Variants in CDC42EP3 observed in about 807,000 individuals in gnomAD.
The protein encoded by CDC42EP3 is CDC42 effector protein 3.
CDC42EP3 carries 4 observed loss-of-function variants against 15.5 expected under a neutral mutation model. The observed-to-expected ratio is 0.26, with a 90% CI of 0.13 to 0.59. CDC42EP3 has a LOEUF of 0.59. CDC42EP3 is among the 20% of genes least tolerant of loss of function. CDC42EP3 has a pLI of 0.89. For synonymous variants in CDC42EP3, 145 were observed against 130.3 expected (o/e 1.11, Z -0.77); for missense variants, 309 against 311.2 (o/e 0.99, Z 0.05).
intron 1 of CDC42EP3, among the ~76,000 whole-genome samples, chr2:37,656,999 C>CCCCT (rs1553317245): frequency 4.0e-5 from 4 of 100,624 alleles, no homozygotes; most frequent in African/African-American, 1.9e-4. Flanking sequence ...CACCCCCCGC[C>CCCCT]CCCCGCCATC....
intron 1 of CDC42EP3, among the ~76,000 whole-genome samples, chr2:37,666,091 C>T (rs1666238802): frequency 6.6e-6 from 1 of 152,186 alleles, no homozygotes; most frequent in Non-Finnish European, 1.5e-5. Flanking sequence ...CTGGTACATC[C>T]TCATCGCTCT....
chr2:37,659,948 A>G (rs1558341641), intron 1 of CDC42EP3, among the ~76,000 whole-genome samples: 1 of 152,188 alleles, frequency 6.6e-6, no homozygotes, highest in Non-Finnish European at 1.5e-5. Context: ...TGAGCGGGGG[A>G]AGAGCTGGAC....
chr2:37,671,935 A>G (rs12999211), upstream of CDC42EP3: 15,678 of 151,984 alleles, frequency 0.1, 1,274 homozygotes, highest in African/African-American at 0.23. Context: ...CGACTCCCTA[A>G]GCACAAAGAA....
chr2:37,672,805 C>A (rs1248704331), upstream of CDC42EP3, among the ~76,000 whole-genome samples: 7 of 152,300 alleles, frequency 4.6e-5, no homozygotes, highest in East Asian at 1.4e-3. Flanking sequence ...AATCCTGGCA[C>A]AACGCGGAGA....
At chr2:37,649,023 A>G (rs1039647226) in intron 1 of CDC42EP3, among the ~76,000 whole-genome samples, 1 of 151,454 alleles carries the variant, frequency 6.6e-6, no homozygotes, top group Non-Finnish European at 1.5e-5. Flanking sequence ...GGGTCAGCTG[A>G]TGGAGGCAGG....
At chr2:37,657,966 C>T (rs1472301922) in intron 1 of CDC42EP3, among the ~76,000 whole-genome samples, 2 of 152,176 alleles carry the variant, frequency 1.3e-5, no homozygotes, top group Non-Finnish European at 2.9e-5. Flanking sequence ...TCTATCAGGT[C>T]AGAGTTGAGT....
At position 37,645,081 on chromosome 2, in the gene CDC42EP3, A is replaced by C. The variant is rs905615599; in HGVS notation, c.*742T>G. 1 of 152,388 alleles carries C rather than the reference A, an allele frequency of 6.6e-6. No individual in the cohort carries two copies. The highest frequency in any genetic ancestry group is 1.5e-5 in the Non-Finnish European group (1 of 68,042). 9.4% of individuals were successfully genotyped at this position (152,388 alleles called of 1,614,324 possible). On this transcript the variant is annotated 3_prime_UTR_variant, in exon 2 of 2. Transcript: ENST00000295324. ...CACTTTTCCAAACACGCACATACAC[A>C]GCTTACAATGGAATCCCAATGGAAA...
intron 1 of CDC42EP3, among the ~76,000 whole-genome samples, chr2:37,651,219 T>C (rs1665667246): frequency 6.6e-6 from 1 of 152,230 alleles, no homozygotes; most frequent in Non-Finnish European, 1.5e-5. Flanking sequence ...GTAATAATAG[T>C]GACTGTCCAC....
In CDC42EP3 at chr2:37,643,211, TGAG is replaced by T. The variant is rs1665325191; in HGVS notation, c.*2609_*2611del. 1 of 152,176 alleles carries T rather than the reference TGAG, an allele frequency of 6.6e-6. No homozygotes were observed. The highest frequency in any genetic ancestry group is 6.5e-5 in the Admixed American group (1 of 15,282). 9.4% of individuals were successfully genotyped at this position (152,176 alleles called of 1,614,324 possible). A position where few individuals can be genotyped will look rare whatever the true frequency, so the allele number is the denominator to read the frequency against. On this transcript the variant is annotated 3_prime_UTR_variant, in exon 2 of 2. Coordinates refer to ENST00000295324, the MANE Select transcript of CDC42EP3 (RefSeq NM_006449.5). The stretch of plus-strand genomic sequence containing the variant: ...TTAAAGTGGGAGAAGGTTCACAGGA[TGAG>T]AACATCAATTCAGCTCACAGCAGGT...
At chr2:37,652,232 C>T (rs1665711803) in intron 1 of CDC42EP3, among the ~76,000 whole-genome samples, 1 of 144,398 alleles carries the variant, frequency 6.9e-6, no homozygotes, top group African/African-American at 2.6e-5. Context: ...TTCCAGGAGA[C>T]TGCTGGTGAA....
chr2:37,653,427 G>A (rs989246944), intron 1 of CDC42EP3, among the ~76,000 whole-genome samples: 1 of 152,168 alleles, frequency 6.6e-6, no homozygotes, highest in Non-Finnish European at 1.5e-5. Context: ...CAGTGATAAT[G>A]ATAGAAATAA....
intron 1 of CDC42EP3, among the ~76,000 whole-genome samples, chr2:37,647,843 C>A (rs1665526204): frequency 6.6e-6 from 1 of 152,140 alleles, no homozygotes; most frequent in South Asian, 2.1e-4. Flanking sequence ...TGTGCAAGGG[C>A]CTATGGAAAT....
At chr2:37,662,939 C>T (rs1017272372) in intron 1 of CDC42EP3, among the ~76,000 whole-genome samples, 10 of 152,094 alleles carry the variant, frequency 6.6e-5, no homozygotes, top group Non-Finnish European at 1.5e-4. Flanking sequence ...CCGAGGCGGG[C>T]GGATCGCCTG....
chr2:37,649,544 C>T (rs1665598043), intron 1 of CDC42EP3, among the ~76,000 whole-genome samples: 1 of 150,348 alleles, frequency 6.7e-6, no homozygotes, highest in African/African-American at 2.4e-5. Context: ...TTCACATACA[C>T]CCTTGAATTA....
At chr2:37,669,469 AC>A (rs1219883927) in intron 1 of CDC42EP3, among the ~76,000 whole-genome samples, 1 of 152,166 alleles carries the variant, frequency 6.6e-6, no homozygotes, top group African/African-American at 2.4e-5. Context: ...CTTGCACCGC[AC>A]TTAAATGTGC....
chr2:37,655,382 C>T (rs185472807), intron 1 of CDC42EP3, among the ~76,000 whole-genome samples: 15 of 152,350 alleles, frequency 9.8e-5, no homozygotes, highest in Admixed American at 5.9e-4. Context: ...TTTGTGTACA[C>T]GTCTCATTTT....
chr2:37,660,255 G>A (rs1666013044), intron 1 of CDC42EP3, among the ~76,000 whole-genome samples: 1 of 152,164 alleles, frequency 6.6e-6, no homozygotes, highest in South Asian at 2.1e-4. Flanking sequence ...TTGCAGATGA[G>A]GCTAAAATGG....
At chr2:37,672,212 C>T (rs1226872448), upstream of CDC42EP3, 3 of 152,074 alleles carry the variant, frequency 2.0e-5, no homozygotes, top group African/African-American at 7.2e-5. Flanking sequence ...GGGGGAGGGT[C>T]GCGTTCTGTC....
chr2:37,667,270 C>T (rs1666277162), intron 1 of CDC42EP3, among the ~76,000 whole-genome samples: 1 of 152,164 alleles, frequency 6.6e-6, no homozygotes, highest in East Asian at 1.9e-4. Context: ...ACCTGTAGCT[C>T]CTCTTCTGCT....
Sources: gnomAD v4.1 joint callset for allele counts (sites outside exome capture counted in the v4.1 genomes callset) on GRCh38, gnomAD v4.1.1 for gene constraint, MANE v1.5 for transcripts, NCBI Gene and HGNC (gene_info 2026-07-23, HGNC 2026-07-21) for gene names.